KCNMA1: variants seen among roughly 807,000 people sequenced by gnomAD.
KCNMA1 encodes Calcium-activated potassium channel subunit alpha-1.
A neutral mutation model predicts 140.0 loss-of-function variants in KCNMA1; 29 were observed. That is an observed-to-expected ratio of 0.21 (90% CI 0.15 to 0.28). The LOEUF is 0.28. Ranked by LOEUF, KCNMA1 falls within the 10% of genes least tolerant of loss-of-function variation. The probability of loss-of-function intolerance (pLI) is 1.00; values close to 1 mark genes in which losing one functional copy is unlikely to be tolerated. For missense variants in KCNMA1, 880 were observed against 1,602.2 expected (o/e 0.55, Z 7.70); for synonymous variants, 612 against 611.9 (o/e 1.00, Z 0.00).
At position 77,256,468 on chromosome 10, in the gene KCNMA1, G is replaced by C. The variant is rs1264612691; in HGVS notation, c.541-5212C>G. Among the ~76,000 whole-genome samples the C allele has an allele frequency of 5.9e-5, 9 of 152,248 alleles. No individual in the cohort carries two copies. In the East Asian group the frequency reaches 1.7e-3, roughly 29 times the overall value. ...AGCTCCTCCAGTGAATCTGACAATG[G>C]GAGTCACTGAATTAAAGCCATTAGG... On this transcript the variant is annotated intron_variant, in intron 2 of 27. Coordinates refer to ENST00000286628, the MANE Select transcript of KCNMA1 (RefSeq NM_001161352.2).
At chr10:76,994,142 A>C (rs1475039520) in intron 19 of KCNMA1, among the ~76,000 whole-genome samples, 1 of 152,126 alleles carries the variant, frequency 6.6e-6, no homozygotes, top group African/African-American at 2.4e-5. Flanking sequence ...CTGTGACATG[A>C]GGCTATGAGA....
intron 2 of KCNMA1, among the ~76,000 whole-genome samples, chr10:77,334,903 A>T (rs1323626720): frequency 6.6e-6 from 1 of 152,242 alleles, no homozygotes; most frequent in African/African-American, 2.4e-5. Context: ...AAGTTTTATT[A>T]ATGAGATTAT....
rs1467651730 is a variant in KCNMA1 at position 77,236,153 on chromosome 10, A to T, written c.602+15042T>A. ...ACTTTGAACTCCGAGGCCCGGGCGAACTTTCTCGATTGACAGTACTCCTTG... is the reference window on the plus strand; with the variant it reads ...ACTTTGAACTCCGAGGCCCGGGCGATCTTTCTCGATTGACAGTACTCCTTG... On this transcript the variant is annotated intron_variant, in intron 3 of 27. Transcript: ENST00000286628. Among the ~76,000 whole-genome samples the T allele has an allele frequency of 2.0e-5, 3 of 152,100 alleles. No homozygotes were observed. In the East Asian group the frequency reaches 5.8e-4, roughly 29 times the overall value.
chr10:77,541,576 A>G (rs1465180589), intron 1 of KCNMA1, among the ~76,000 whole-genome samples: 1 of 152,198 alleles, frequency 6.6e-6, no homozygotes, highest in Admixed American at 6.5e-5. Flanking sequence ...ACGTGACTCT[A>G]TTGTTCTAAG....
chr10:77,597,041 C>A (rs956491406), intron 1 of KCNMA1, among the ~76,000 whole-genome samples: 3 of 152,138 alleles, frequency 2.0e-5, no homozygotes, highest in Admixed American at 2.0e-4. Flanking sequence ...TATTAATATT[C>A]TATATAGACA....
At chr10:77,614,957 T>C (rs1359998179) in intron 1 of KCNMA1, among the ~76,000 whole-genome samples, 1 of 152,114 alleles carries the variant, frequency 6.6e-6, no homozygotes, top group Non-Finnish European at 1.5e-5. Context: ...AAAGGGAGTG[T>C]GAAGTGGAAA....
At chr10:76,982,756 CT>C (rs1174856253) in intron 19 of KCNMA1, among the ~76,000 whole-genome samples, 1 of 152,152 alleles carries the variant, frequency 6.6e-6, no homozygotes, top group Admixed American at 6.5e-5. Context: ...AGTGGGTGGG[CT>C]TTGCATCTTG....
At chr10:77,582,300 TA>T (rs1473529512) in intron 1 of KCNMA1, among the ~76,000 whole-genome samples, 1 of 152,260 alleles carries the variant, frequency 6.6e-6, no homozygotes, top group Non-Finnish European at 1.5e-5. Flanking sequence ...TCTTCCTCTG[TA>T]AAACAGAAAT....
intron 1 of KCNMA1, among the ~76,000 whole-genome samples, chr10:77,461,639 C>T (rs1383458626): frequency 6.6e-6 from 1 of 152,174 alleles, no homozygotes; most frequent in Non-Finnish European, 1.5e-5. Context: ...TTCCTTACTT[C>T]CTGCCTCAGC....
chr10:77,346,221 C>T (rs774058361), intron 2 of KCNMA1, among the ~76,000 whole-genome samples: 1 of 152,174 alleles, frequency 6.6e-6, no homozygotes. Flanking sequence ...ATTTAAAACC[C>T]AGTCATGCAA....
chr10:77,554,597 C>CAAAAAAAAAAAAAAAAA (rs59754706), intron 1 of KCNMA1, among the ~76,000 whole-genome samples: 10 of 84,088 alleles, frequency 1.2e-4, no homozygotes, highest in Non-Finnish European at 1.7e-4. Context: ...TACTCCATCT[C>CAAAAAAAAAAAAAAAAA]AAAAAAAAAA....
At chr10:76,877,902 C>A (rs1304890917) in intron 29 of KCNMA1, 2 of 1,606,264 alleles carry the variant, frequency 1.2e-6, no homozygotes, top group South Asian at 1.1e-5. Context: ...TGCTAAAGGG[C>A]AAAATGGATA....
At chr10:77,279,837 T>A (rs1175455078) in intron 2 of KCNMA1, among the ~76,000 whole-genome samples, 1 of 152,184 alleles carries the variant, frequency 6.6e-6, no homozygotes. Context: ...GCACAAGTTC[T>A]TTCTTGCCTG....
At chr10:77,088,359 A>G (rs758558330) in intron 10 of KCNMA1, among the ~76,000 whole-genome samples, 10 of 152,244 alleles carry the variant, frequency 6.6e-5, no homozygotes, top group Non-Finnish European at 1.3e-4. Context: ...GCCATCTACT[A>G]TAAGTATGAC....
At chr10:77,534,983 C>A (rs982961277) in intron 1 of KCNMA1, among the ~76,000 whole-genome samples, 2 of 152,180 alleles carry the variant, frequency 1.3e-5, no homozygotes, top group African/African-American at 4.8e-5. Flanking sequence ...CAACCTATAA[C>A]CCATAATCTA....
chr10:77,565,380 A>ATCCAAATTGCTC (rs1353295750), intron 1 of KCNMA1, among the ~76,000 whole-genome samples: 1 of 152,070 alleles, frequency 6.6e-6, no homozygotes, highest in Non-Finnish European at 1.5e-5. Context: ...CCAAATTGCT[A>ATCCAAATTGCTC]TCTTTTCAAC....
intron 5 of KCNMA1, among the ~76,000 whole-genome samples, chr10:77,136,500 AC>A (rs2098032299): frequency 6.6e-6 from 1 of 152,278 alleles, no homozygotes; most frequent in South Asian, 2.1e-4. Context: ...ACTTAACATT[AC>A]TGAACTGTAC....
chr10:77,367,806 G>A (rs770328645), intron 2 of KCNMA1, among the ~76,000 whole-genome samples: 10 of 152,170 alleles, frequency 6.6e-5, no homozygotes, highest in African/African-American at 9.7e-5. Context: ...GATATAATAT[G>A]TAACCTATTA....
Position 77,518,651 on chromosome 10 carries a change from C to T in KCNMA1, c.379-114628G>A, listed in dbSNP as rs111535171. On this transcript the variant is annotated intron_variant, in intron 1 of 27. Coordinates refer to ENST00000286628, the MANE Select transcript of KCNMA1 (RefSeq NM_001161352.2). ...GCCTGGGTGTGGTGCCAGCTCTGTCCCCAGCTTCTGGGTAACCTCTCTAAG... is the reference window on the plus strand; with the variant it reads ...GCCTGGGTGTGGTGCCAGCTCTGTCTCCAGCTTCTGGGTAACCTCTCTAAG... Among the ~76,000 whole-genome samples, 849 of 152,250 alleles carry T rather than the reference C, an allele frequency of 5.6e-3. 8 individuals are homozygous for T. The highest frequency in any genetic ancestry group is 0.018 in the African/African-American group (752 of 41,536).
Sources: gnomAD v4.1 joint callset for allele counts (sites outside exome capture counted in the v4.1 genomes callset) on GRCh38, gnomAD v4.1.1 for gene constraint, MANE v1.5 for transcripts, NCBI Gene and HGNC (gene_info 2026-07-23, HGNC 2026-07-21) for gene names.